The following ABI3BP variants were observed in gnomAD, a reference collection of about 807,000 sequenced individuals.
The protein encoded by ABI3BP is ABI family member 3 binding protein.
ABI3BP carries 216 observed loss-of-function variants against 268.6 expected under a neutral mutation model. The observed-to-expected ratio is 0.80, with a 90% confidence interval of 0.72 to 0.90. The LOEUF is 0.90. ABI3BP is among the 40% of genes least tolerant of loss of function. ABI3BP has a pLI of 0.00. For missense variants in ABI3BP, 2,090 were observed against 2,182.4 expected (o/e 0.96, Z 0.84); for synonymous variants, 730 against 730.0 (o/e 1.00, Z 0.00).
chr3:100,752,777 C>T lies in ABI3BP; in HGVS notation c.5122+10G>A. 1 of 1,611,542 alleles carries T rather than the reference C, an allele frequency of 6.2e-7. No homozygotes were observed. Among genetic ancestry groups the T allele is most frequent in the Non-Finnish European group, 8.5e-7 (1 of 1,179,240 alleles). On this transcript the variant is annotated intron_variant, in intron 66 of 67. Transcript: ENST00000471714. ...TAAGGGCTGAAAACAGAGCTGGTAG[C>T]TCTGCTTACCTGTGAGGGAGTCGCT... is the stretch of plus-strand genomic sequence containing the variant.
At chr3:100,926,880 A>G (rs2061954596) in intron 1 of ABI3BP, among the ~76,000 whole-genome samples, 1 of 152,158 alleles carries the variant, frequency 6.6e-6, no homozygotes, top group African/African-American at 2.4e-5. Flanking sequence ...TTCCAGTGCC[A>G]CATCCACAGG....
At chr3:100,960,272 T>C (rs1331604487) in intron 1 of ABI3BP, among the ~76,000 whole-genome samples, 1 of 152,172 alleles carries the variant, frequency 6.6e-6, no homozygotes, top group Non-Finnish European at 1.5e-5. Context: ...AGGGGTAGTA[T>C]GAACCAGTGC....
chr3:100,871,954 A>C lies in ABI3BP; in HGVS notation c.910+2887T>G, dbSNP rs544936604. On this transcript the variant is annotated intron_variant, in intron 9 of 67. Coordinates refer to ENST00000471714, the MANE Select transcript of ABI3BP (RefSeq NM_001375547.2). Reference sequence around the variant, plus strand: ...TGGGTTTCAGTGAACCTCCTGCCTCAGCCTTCTGAGTAGTTAGGACTACAG... The same window carrying C: ...TGGGTTTCAGTGAACCTCCTGCCTCCGCCTTCTGAGTAGTTAGGACTACAG... Among the ~76,000 whole-genome samples, 6 of 152,344 alleles carry C rather than the reference A, an allele frequency of 3.9e-5. No homozygotes were observed. The South Asian group carries it at 1.2e-3, about 32-fold the overall frequency.
At chr3:100,984,354 G>C (rs552651041) in intron 1 of ABI3BP, among the ~76,000 whole-genome samples, 1 of 152,158 alleles carries the variant, frequency 6.6e-6, no homozygotes, top group South Asian at 2.1e-4. Context: ...CTATGTCATA[G>C]GTGAGATGTG....
intron 9 of ABI3BP, among the ~76,000 whole-genome samples, chr3:100,868,285 C>T (rs2099074520): frequency 6.6e-6 from 1 of 152,178 alleles, no homozygotes; most frequent in Non-Finnish European, 1.5e-5. Context: ...TTCTTGGCTT[C>T]TACCCATTGG....
rs560379353 is a variant in ABI3BP at position 100,835,687 on chromosome 3, T to C, written c.2132-27A>G. 9.5e-5 allele frequency: 143 copies of C among 1,503,868 alleles called. No homozygotes were observed. In the South Asian group the frequency reaches 1.1e-3, roughly 11 times the overall value. 93.2% of individuals were successfully genotyped at this position (1,503,868 alleles called of 1,614,324 possible). ...TAACCAAAAGCAATACAATAAACAA[T>C]GGAGATTAAGAAATACAGAAAAACA... is the stretch of plus-strand genomic sequence containing the variant. On this transcript the variant is annotated intron_variant, in intron 27 of 67. Coordinates refer to ENST00000471714, the MANE Select transcript of ABI3BP (RefSeq NM_001375547.2).
At chr3:100,970,568 C>T (rs992175850) in intron 1 of ABI3BP, among the ~76,000 whole-genome samples, 9 of 152,156 alleles carry the variant, frequency 5.9e-5, no homozygotes, top group African/African-American at 1.2e-4. Flanking sequence ...TGCTTTTGAT[C>T]GCTCTAGAGA....
intron 51 of ABI3BP, among the ~76,000 whole-genome samples, chr3:100,800,505 A>G (rs980449359): frequency 3.3e-5 from 5 of 152,054 alleles, no homozygotes; most frequent in Admixed American, 2.0e-4. Context: ...ACGGAGTCTC[A>G]CTCTGTCACC....
At chr3:100,986,820 C>T (rs565659502) in intron 1 of ABI3BP, among the ~76,000 whole-genome samples, 41 of 152,262 alleles carry the variant, frequency 2.7e-4, no homozygotes, top group Non-Finnish European at 4.4e-4. Context: ...TGTTTATAAA[C>T]ACTTAGCATT....
chr3:100,797,000 G>T (rs149747962), intron 51 of ABI3BP, among the ~76,000 whole-genome samples: 1 of 152,156 alleles, frequency 6.6e-6, no homozygotes, highest in Admixed American at 6.5e-5. Flanking sequence ...TGAAGCAAAA[G>T]GAATCAGCTA....
intron 43 of ABI3BP, chr3:100,816,187 T>G: frequency 1.9e-6 from 1 of 517,608 alleles, no homozygotes; most frequent in Non-Finnish European, 3.4e-6. Flanking sequence ...CTGTTACATA[T>G]CTTGATATTA....
At chr3:100,911,234 C>T (rs1476557028) in intron 2 of ABI3BP, 3 of 357,408 alleles carry the variant, frequency 8.4e-6, no homozygotes, top group Non-Finnish European at 1.6e-5. Flanking sequence ...GTCAGTTTGG[C>T]TACTACATCG....
At chr3:100,841,931 G>C in intron 21 of ABI3BP, 67 bp downstream of exon 21, 1 of 1,188,330 alleles carries the variant, frequency 8.4e-7, no homozygotes, top group Non-Finnish European at 1.2e-6. Flanking sequence ...ACCCAAAGCT[G>C]AACAAAGTTG....
In ABI3BP at chr3:100,817,493, C is replaced by A. The variant is rs148576437; in HGVS notation, c.3091G>T (p.Val1031Phe). ...LRTEAPKTMV[V>F]TTVLEPDTFR... ...GTGTCAGGTTCAAGGACTGTAGTAA[C>A]AACTAGACAAAAATAATAAAATAAA... is the stretch of plus-strand genomic sequence containing the variant. Residue 1031 changes from valine to phenylalanine, a missense_variant and splice_region_variant, in exon 42 of 68, where the codon GTT becomes TTT. Val to Phe is a conservative substitution (Grantham distance 50). Transcript: ENST00000471714. The A allele has an allele frequency of 1.4e-4, 203 of 1,474,246 alleles. 1 individual carries two copies. The East Asian group carries it at 5.0e-3, about 36-fold the overall frequency. 91.3% of individuals were successfully genotyped at this position (1,474,246 alleles called of 1,614,324 possible).
intron 1 of ABI3BP, among the ~76,000 whole-genome samples, chr3:100,959,915 C>T (rs1290302000): frequency 2.6e-5 from 4 of 152,182 alleles, no homozygotes; most frequent in African/African-American, 7.2e-5. Flanking sequence ...TCAGTGTCTA[C>T]TGTCCTACAT....
intron 1 of ABI3BP, among the ~76,000 whole-genome samples, chr3:100,959,057 T>C (rs1340140887): frequency 6.6e-6 from 1 of 152,118 alleles, no homozygotes; most frequent in Non-Finnish European, 1.5e-5. Context: ...GAAGATCCGC[T>C]GCAGCCAGAA....
intron 2 of ABI3BP, among the ~76,000 whole-genome samples, chr3:100,910,017 C>T (rs1462466124): frequency 6.6e-6 from 1 of 152,114 alleles, no homozygotes; most frequent in Non-Finnish European, 1.5e-5. Flanking sequence ...TTGGAAGCAA[C>T]CCAAATGCCC....
intron 4 of ABI3BP, among the ~76,000 whole-genome samples, chr3:100,897,449 T>G (rs2048247771): frequency 6.6e-6 from 1 of 152,136 alleles, no homozygotes; most frequent in Non-Finnish European, 1.5e-5. Context: ...AGAATAAACT[T>G]TTGAATATTC....
chr3:100,878,929 C>T (rs971936466), intron 6 of ABI3BP, among the ~76,000 whole-genome samples: 6 of 152,096 alleles, frequency 3.9e-5, no homozygotes, highest in South Asian at 2.1e-4. Context: ...TTCTGGGGTA[C>T]GATGTGATGT....
Sources: allele counts gnomAD v4.1 joint callset (sites outside exome capture counted in the v4.1 genomes callset), GRCh38; gene constraint gnomAD v4.1.1; transcripts MANE v1.5; gene names NCBI Gene and HGNC (gene_info 2026-07-23, HGNC 2026-07-21).